DNM2: variants seen among roughly 807,000 people sequenced by gnomAD.
DNM2 encodes dynamin 2.
In DNM2, 15 loss-of-function variants were observed where a neutral mutation model predicts 99.0. That is an observed-to-expected ratio of 0.15 (90% confidence interval 0.10 to 0.23). The LOEUF is 0.23. DNM2 is among the 10% of genes least tolerant of loss of function. The pLI is 1.00. For synonymous variants in DNM2, 525 were observed against 481.2 expected, an observed-to-expected ratio of 1.09 and a Z score of -1.19; for missense variants, 742 against 1,189.4, an observed-to-expected ratio of 0.62 and a Z score of 5.53.
At chr19:10,739,649 T>G (rs947293446) in intron 1 of DNM2, among the ~76,000 whole-genome samples, 11 of 152,010 alleles carry the variant, frequency 7.2e-5, no homozygotes, top group Non-Finnish European at 1.5e-4. Flanking sequence ...AGGGCAGGAA[T>G]TGATGAGACC....
Position 10,825,071 on chromosome 19 carries a change from T to C in DNM2, c.1908T>C (p.Asp636=). 6.2e-7 allele frequency: 1 copy of C among 1,614,154 alleles called. No homozygotes were observed. Among genetic ancestry groups the C allele is most frequent in the Non-Finnish European group, 8.5e-7 (1 of 1,180,010 alleles). Residue 636 remains aspartate (D), a synonymous_variant, in exon 18 of 21, where the codon GAT becomes GAC. Transcript: ENST00000389253. Reference sequence around the variant, plus strand: ...CCCGCTTGCAGGCAGAAAACGAGGATGGGGCCCAGGAGAACACCTTCTCCA... The same window carrying C: ...CCCGCTTGCAGGCAGAAAACGAGGACGGGGCCCAGGAGAACACCTTCTCCA... ...YPEKDQAENE[D]GAQENTFSMD...
intron 1 of DNM2, among the ~76,000 whole-genome samples, chr19:10,718,858 G>C (rs2068841581): frequency 6.6e-6 from 1 of 152,150 alleles, no homozygotes; most frequent in Non-Finnish European, 1.5e-5. Context: ...CTGGTTGGCT[G>C]TCTCTCTGTC....
intron 1 of DNM2, among the ~76,000 whole-genome samples, chr19:10,741,551 C>CTT (rs561257287): frequency 6.4e-4 from 86 of 135,068 alleles, no homozygotes; most frequent in South Asian, 2.7e-3. Context: ...ATATTTCTTT[C>CTT]TTTTTTTTTT....
At chr19:10,808,639 C>T (rs1415771141) in intron 14 of DNM2, 59 bp downstream of exon 14, 21 of 1,567,564 alleles carry the variant, frequency 1.3e-5, no homozygotes, top group East Asian at 4.5e-5. Context: ...ATGGAGACCC[C>T]GCCCACCCCT....
rs746006988 is a variant in DNM2 at position 10,812,075 on chromosome 19, G to C, written c.1558-189G>C. On this transcript the variant is annotated intron_variant, in intron 14 of 20. Coordinates refer to ENST00000389253, the MANE Select transcript of DNM2 (RefSeq NM_001005361.3). The surrounding 1 kb of genome is among the most constrained non-coding windows in gnomAD (Gnocchi z 4.0). ...TGTCTGTCCGCCCACCTGCCCAGGT[G>C]GCGCCTCATGTTGGTTTCCTGCTGG... 1 of 563,460 alleles carries C rather than the reference G, an allele frequency of 1.8e-6. No individual in the cohort carries two copies. The highest frequency in any genetic ancestry group is 1.5e-5 in the South Asian group (1 of 65,532). The allele number at this position is 563,460 out of a possible 1,614,324, so 34.9% of individuals were successfully genotyped here. A position where few individuals can be genotyped will look rare whatever the true frequency, so the allele number is the denominator to read the frequency against.
rs1273645515 is a variant in DNM2 at position 10,811,963 on chromosome 19, A to G, written c.1558-301A>G. 6.4e-6 allele frequency: 3 copies of G among 467,708 alleles called. No homozygotes were observed. Among genetic ancestry groups the G allele is most frequent in the African/African-American group, 5.9e-5 (3 of 50,434 alleles). 29.0% of individuals were successfully genotyped at this position (467,708 alleles called of 1,614,324 possible). A position where few individuals can be genotyped will look rare whatever the true frequency, so the allele number is the denominator to read the frequency against. ...CACATTTCATGTGCCACAGCCCCACACACAAGCCCCAGGGACTCCTCCCAT... is the reference window on the plus strand; with the variant it reads ...CACATTTCATGTGCCACAGCCCCACGCACAAGCCCCAGGGACTCCTCCCAT... On this transcript the variant is annotated intron_variant, in intron 14 of 20. Transcript: ENST00000389253. The surrounding 1 kb of genome is among the most constrained non-coding windows in gnomAD (Gnocchi z 5.4).
chr19:10,787,126 G>T (rs543552496), intron 7 of DNM2, among the ~76,000 whole-genome samples: 1 of 152,098 alleles, frequency 6.6e-6, no homozygotes, highest in African/African-American at 2.4e-5. Context: ...CTGAGGTCGG[G>T]AGTTCGAGAC....
intron 1 of DNM2, among the ~76,000 whole-genome samples, chr19:10,749,725 T>A (rs2070127573): frequency 6.6e-6 from 1 of 152,254 alleles, no homozygotes; most frequent in South Asian, 2.1e-4. Flanking sequence ...TGGCAGGCAC[T>A]GTTCTAGGTG....
rs75442318 is a variant in DNM2, at chr19:10,824,602, C to T, written c.1894-455C>T. ...GGCAGATCCTTTGGGCCCAGGAGTT[C>T]GAAAACAGCCTGGGCAATGTTGCAA... On this transcript the variant is annotated intron_variant, in intron 17 of 20. Coordinates refer to ENST00000389253, the MANE Select transcript of DNM2 (RefSeq NM_001005361.3). The T allele has an allele frequency of 8.1e-5, 17 of 210,898 alleles. No individual in the cohort carries two copies. The East Asian group carries it at 1.7e-3, about 21-fold the overall frequency. The allele number at this position is 210,898 out of a possible 1,614,324, so 13.1% of individuals were successfully genotyped here.
intron 13 of DNM2, among the ~76,000 whole-genome samples, chr19:10,806,206 C>T (rs1443788563): frequency 6.6e-6 from 1 of 152,164 alleles, no homozygotes; most frequent in African/African-American, 2.4e-5. Flanking sequence ...GCCCTATGTG[C>T]CATCCAAGGC....
At chr19:10,735,897 A>G (rs1011211109) in intron 1 of DNM2, among the ~76,000 whole-genome samples, 10 of 152,156 alleles carry the variant, frequency 6.6e-5, no homozygotes, top group Non-Finnish European at 1.2e-4. Flanking sequence ...GTGTGGGTCC[A>G]ACCTGAACTG....
chr19:10,748,440 C>T (rs961893130), intron 1 of DNM2, among the ~76,000 whole-genome samples: 2 of 152,306 alleles, frequency 1.3e-5, no homozygotes, highest in East Asian at 3.9e-4. Flanking sequence ...TTTGGGGTGA[C>T]CACAGGGATG....
rs1466581454 is a variant in DNM2, at chr19:10,816,636, G to A, written c.1672-3344G>A. 4.6e-5 allele frequency among the ~76,000 whole-genome samples: 7 copies of A among 152,170 alleles called. No homozygotes were observed. The highest frequency in any genetic ancestry group is 1.0e-4 in the Non-Finnish European group (7 of 68,026). ...GCCTTGCAGTGAGAAACCAGCCTGC[G>A]CTGTGGTGTGTGGGCTGTCAGGCCG... On this transcript the variant is annotated intron_variant, in intron 15 of 20. Coordinates refer to ENST00000389253, the MANE Select transcript of DNM2 (RefSeq NM_001005361.3). The surrounding 1 kb of genome is among the most constrained non-coding windows in gnomAD (Gnocchi z 4.6).
In DNM2 at chr19:10,812,949, C is replaced by T. The variant is rs2042732678; in HGVS notation, c.1671+572C>T. ...GAGTCACTAGCAGGCTAGAAACAGGCCCTGACCTCCAGTGCCACTGTGACT... is the reference window on the plus strand; with the variant it reads ...GAGTCACTAGCAGGCTAGAAACAGGTCCTGACCTCCAGTGCCACTGTGACT... On this transcript the variant is annotated intron_variant, in intron 15 of 20. Coordinates refer to ENST00000389253, the MANE Select transcript of DNM2 (RefSeq NM_001005361.3). This position sits in a 1 kb window ranked among gnomAD's most constrained non-coding sequence, Gnocchi z 4.0. Among the ~76,000 whole-genome samples, 1 of 152,194 alleles carries T rather than the reference C, an allele frequency of 6.6e-6. No individual in the cohort carries two copies. The highest frequency in any genetic ancestry group is 2.1e-4 in the South Asian group (1 of 4,836).
chr19:10,784,563 G>A lies in DNM2; in HGVS notation c.849+1443G>A, dbSNP rs1023827316. 5.3e-5 allele frequency among the ~76,000 whole-genome samples: 8 copies of A among 152,050 alleles called. No individual in the cohort carries two copies. The East Asian group carries it at 7.7e-4, about 15-fold the overall frequency. ...GTGGGGTGCTTCCCAGAGCAGCAGC[G>A]CCCCTTCCTCTCCATTTGCTCATGA... On this transcript the variant is annotated intron_variant, in intron 6 of 20. Coordinates refer to ENST00000389253, the MANE Select transcript of DNM2 (RefSeq NM_001005361.3).
chr19:10,818,436 T>C lies in DNM2; in HGVS notation c.1672-1544T>C, dbSNP rs1390161093. Among the ~76,000 whole-genome samples the C allele has an allele frequency of 1.3e-5, 2 of 152,196 alleles. No homozygotes were observed. Among genetic ancestry groups the C allele is most frequent in the African/African-American group, 2.4e-5 (1 of 41,452 alleles). ...AGCTCCTCCATCCTCCTTGGATAGA[T>C]GAGGAAACTGAGATGAAATGGGAGG... On this transcript the variant is annotated intron_variant, in intron 15 of 20. Transcript: ENST00000389253. The surrounding 1 kb of genome is among the most constrained non-coding windows in gnomAD (Gnocchi z 4.3).
At chr19:10,757,920 G>A (rs1170084222) in intron 1 of DNM2, among the ~76,000 whole-genome samples, 3 of 137,468 alleles carry the variant, frequency 2.2e-5, no homozygotes, top group African/African-American at 8.5e-5. Flanking sequence ...TCCAGCCTGG[G>A]CAACAAGAGC....
In DNM2 at chr19:10,808,887, C is replaced by T. The variant is rs2072446352; in HGVS notation, c.1557+307C>T. ...AATACTTACACACCGCCCCTGCCTCCCCTCACATCCCTGGCTGTGGAAGAT... is the reference window on the plus strand; with the variant it reads ...AATACTTACACACCGCCCCTGCCTCTCCTCACATCCCTGGCTGTGGAAGAT... On this transcript the variant is annotated intron_variant, in intron 14 of 20. Transcript: ENST00000389253. 4 of 355,272 alleles carry T rather than the reference C, an allele frequency of 1.1e-5. No homozygotes were observed. The South Asian group carries it at 1.4e-4, about 12-fold the overall frequency. 22.0% of individuals were successfully genotyped at this position (355,272 alleles called of 1,614,324 possible). A position where few individuals can be genotyped will look rare whatever the true frequency, so the allele number is the denominator to read the frequency against.
At chr19:10,791,413 C>A (rs1053878421) in intron 7 of DNM2, among the ~76,000 whole-genome samples, 4 of 152,120 alleles carry the variant, frequency 2.6e-5, no homozygotes, top group African/African-American at 9.7e-5. Flanking sequence ...ATAAGGACAC[C>A]AGTTATATTG....
Sources: allele counts gnomAD v4.1 joint callset (sites outside exome capture counted in the v4.1 genomes callset), GRCh38; gene constraint gnomAD v4.1.1; non-coding constraint Gnocchi (gnomAD v3.1); transcripts MANE v1.5; gene names NCBI Gene and HGNC (gene_info 2026-07-23, HGNC 2026-07-21).